LRP1B: variants seen among roughly 807,000 people sequenced by gnomAD.
LRP1B encodes the protein low-density lipoprotein receptor-related protein 1B.
Under a neutral mutation model 556.6 loss-of-function variants are expected in LRP1B, and 217 were observed. That is an observed-to-expected ratio of 0.39 (90% CI 0.35 to 0.44). LRP1B has a LOEUF of 0.44. Ranked by LOEUF, LRP1B falls within the 20% of genes least tolerant of loss-of-function variation. The pLI, the probability that LRP1B is intolerant of heterozygous loss-of-function variation, is 1.00. For missense variants in LRP1B, 5,053 were observed against 5,620.8 expected (o/e 0.90, Z 3.23); for synonymous variants, 2,047 against 1,865.8 (o/e 1.10, Z -2.50).
rs201850115 is a variant in LRP1B at position 141,822,132 on chromosome 2, G to C, written c.83-11731C>G. 8.1e-3 allele frequency among the ~76,000 whole-genome samples: 844 copies of C among 104,288 alleles called. 5 individuals carry two copies. The highest frequency in any genetic ancestry group is 0.015 in the Middle Eastern group (3 of 204). 68.4% of individuals were successfully genotyped at this position (104,288 alleles called of 152,430 possible). A position where few individuals can be genotyped will look rare whatever the true frequency, so the allele number is the denominator to read the frequency against. On this transcript the variant is annotated intron_variant, in intron 1 of 90. Transcript: ENST00000389484. ...ACACACACACACACACACACACACA[G>C]AGAGAGAGAGAGAGAGAGAGAGAGA...
intron 25 of LRP1B, among the ~76,000 whole-genome samples, chr2:140,871,681 A>T (rs762700126): frequency 1.3e-5 from 2 of 152,156 alleles, no homozygotes; most frequent in Admixed American, 1.3e-4. Flanking sequence ...TTTGACTACT[A>T]TAGGGGCTTT....
At chr2:140,638,926 T>C (rs1269691113) in intron 41 of LRP1B, among the ~76,000 whole-genome samples, 1 of 151,976 alleles carries the variant, frequency 6.6e-6, no homozygotes, top group African/African-American at 2.4e-5. Context: ...GTATTTCATA[T>C]TCATATAAAT....
intron 1 of LRP1B, among the ~76,000 whole-genome samples, chr2:142,018,971 A>T (rs1043369715): frequency 6.6e-6 from 1 of 152,212 alleles, no homozygotes; most frequent in African/African-American, 2.4e-5. Context: ...TTTAGGTTAC[A>T]TATTCTTGGG....
At chr2:141,107,801 G>A (rs1700643233) in intron 7 of LRP1B, among the ~76,000 whole-genome samples, 1 of 152,062 alleles carries the variant, frequency 6.6e-6, no homozygotes, top group East Asian at 1.9e-4. Flanking sequence ...GCTTGTGGCT[G>A]TAACTGATTA....
intron 41 of LRP1B, among the ~76,000 whole-genome samples, chr2:140,667,752 C>T (rs2105351817): frequency 6.6e-6 from 1 of 152,312 alleles, no homozygotes; most frequent in South Asian, 2.1e-4. Flanking sequence ...AGTGATTTCT[C>T]CATTCTCTCA....
At chr2:140,263,576 T>G (rs1484767395) in intron 86 of LRP1B, among the ~76,000 whole-genome samples, 1 of 152,148 alleles carries the variant, frequency 6.6e-6, no homozygotes, top group Admixed American at 6.6e-5. Flanking sequence ...AGGCCATGAC[T>G]TCAACATTTC....
At chr2:141,012,114 A>G (rs1220377838) in intron 14 of LRP1B, among the ~76,000 whole-genome samples, 1 of 152,008 alleles carries the variant, frequency 6.6e-6, no homozygotes, top group African/African-American at 2.4e-5. Flanking sequence ...TTTTAAAAGG[A>G]GATGTCAGGA....
chr2:140,514,135 A>T (rs1689779993), intron 51 of LRP1B, among the ~76,000 whole-genome samples: 1 of 152,054 alleles, frequency 6.6e-6, no homozygotes, highest in African/African-American at 2.4e-5. Flanking sequence ...CTCTAATCTT[A>T]TAAAGCTACA....
chr2:141,615,760 G>T (rs905578399), intron 2 of LRP1B, among the ~76,000 whole-genome samples: 7 of 152,064 alleles, frequency 4.6e-5, no homozygotes, highest in African/African-American at 1.7e-4. Context: ...GAAAGAACAG[G>T]GAGATACAAA....
intron 41 of LRP1B, among the ~76,000 whole-genome samples, chr2:140,605,306 A>G (rs1394244010): frequency 6.6e-6 from 1 of 152,148 alleles, no homozygotes; most frequent in Admixed American, 6.6e-5. Context: ...GCCTAAAATA[A>G]GAAGTTCCTG....
chr2:140,913,618 T>G (rs1043998302), intron 21 of LRP1B, among the ~76,000 whole-genome samples: 2 of 152,044 alleles, frequency 1.3e-5, no homozygotes, highest in African/African-American at 4.8e-5. Context: ...GCATAGTGAC[T>G]ACTCTTGCTA....
intron 84 of LRP1B, among the ~76,000 whole-genome samples, chr2:140,280,264 G>T (rs1433792428): frequency 4.6e-5 from 7 of 151,728 alleles, no homozygotes; most frequent in Non-Finnish European, 1.0e-4. Context: ...TTAGTAATTA[G>T]TAGCACTAAA....
intron 20 of LRP1B, among the ~76,000 whole-genome samples, chr2:140,938,934 A>C (rs537960942): frequency 6.6e-6 from 1 of 152,134 alleles, no homozygotes; most frequent in Non-Finnish European, 1.5e-5. Flanking sequence ...AAGATATGGA[A>C]GACAGCCTGT....
At chr2:140,732,442 T>C (rs150512361) in intron 35 of LRP1B, among the ~76,000 whole-genome samples, 96 of 152,230 alleles carry the variant, frequency 6.3e-4, no homozygotes, top group African/African-American at 2.2e-3. Context: ...ACTTACAGTG[T>C]TTCCATTTTA....
rs1682398743 is a variant in LRP1B, at chr2:140,270,292, G to A, written c.13197C>T (p.Tyr4399=). The change falls in exon 86 of 91, where the codon TAC becomes TAT. Residue 4399 remains tyrosine, a synonymous_variant. Coordinates refer to ENST00000389484, the MANE Select transcript of LRP1B (RefSeq NM_018557.3). ...SSCQLCDGYC[Y]NGGTCQLDPE... is the part of the protein sequence containing the mutation. ...GGTCCAGCTGGCATGTGCCACCATT[G>A]TAACAGTAGCCATCACATAACTGAC... The A allele has an allele frequency of 6.2e-7, 1 of 1,612,140 alleles. No individual in the cohort carries two copies.
At chr2:141,483,150 C>T (rs1439114110) in intron 2 of LRP1B, among the ~76,000 whole-genome samples, 2 of 138,280 alleles carry the variant, frequency 1.4e-5, no homozygotes, top group Non-Finnish European at 3.1e-5. Context: ...GTGTGATGTT[C>T]CCCTTCCTGT....
At chr2:141,288,249 AT>A (rs200988459) in intron 3 of LRP1B, among the ~76,000 whole-genome samples, 8 of 147,348 alleles carry the variant, frequency 5.4e-5, no homozygotes, top group Admixed American at 2.0e-4. Flanking sequence ...AAAAAAAAAA[AT>A]TTGTTTTCAA....
intron 2 of LRP1B, among the ~76,000 whole-genome samples, chr2:141,538,107 C>T (rs1000496684): frequency 3.3e-5 from 5 of 152,100 alleles, no homozygotes; most frequent in African/African-American, 1.2e-4. Context: ...ACCAGACACA[C>T]ATCTGTGCAT....
At chr2:142,115,592 TTATATATGTAATATATATTA>T (rs1707193674) in intron 1 of LRP1B, among the ~76,000 whole-genome samples, 1 of 20,650 alleles carries the variant, frequency 4.8e-5, no homozygotes, top group East Asian at 2.8e-3. Flanking sequence ...AATATATATA[TTATATATGTAATATATATTA>T]TATATATGTA....
Sources: allele counts gnomAD v4.1 joint callset (sites outside exome capture counted in the v4.1 genomes callset), GRCh38; gene constraint gnomAD v4.1.1; transcripts MANE v1.5; gene names NCBI Gene and HGNC (gene_info 2026-07-23, HGNC 2026-07-21).